The following RYR3 variants were observed in gnomAD, a reference collection of about 807,000 sequenced individuals.
RYR3 encodes brain ryanodine receptor-calcium release channel.
In RYR3, 207 loss-of-function variants were observed where a neutral mutation model predicts 584.3. The ratio of observed to expected loss-of-function variants is 0.35; its 90% CI spans 0.32 to 0.40. The LOEUF (loss-of-function observed/expected upper bound fraction) is 0.40. RYR3 is among the 10% of genes least tolerant of loss of function. The probability of loss-of-function intolerance (pLI) is 1.00; values close to 1 mark genes in which losing one functional copy is unlikely to be tolerated. For synonymous variants in RYR3, 2,416 were observed against 2,248.5 expected (o/e 1.07, Z -2.11); for missense variants, 5,616 against 6,089.2 (o/e 0.92, Z 2.59).
chr15:33,441,084 C>T (rs1442633143), intron 1 of RYR3, among the ~76,000 whole-genome samples: 1 of 152,128 alleles, frequency 6.6e-6, no homozygotes, highest in African/African-American at 2.4e-5. Context: ...CACTTTGTGC[C>T]CAGCCAGCCA....
intron 65 of RYR3, 81 bp from the exon 66 acceptor site, chr15:33,785,581 A>G (rs1596574148): frequency 1.7e-6 from 2 of 1,164,044 alleles, no homozygotes; most frequent in Non-Finnish European, 2.4e-6. Context: ...TAAAGACCAA[A>G]GGAAAGGAGG....
chr15:33,601,898 CT>C (rs964885374), intron 17 of RYR3, among the ~76,000 whole-genome samples: 1 of 152,170 alleles, frequency 6.6e-6, no homozygotes, highest in African/African-American at 2.4e-5. Flanking sequence ...TATATACCAA[CT>C]TTTTTTCTGT....
chr15:33,555,465 C>T (rs1204849946), intron 10 of RYR3, among the ~76,000 whole-genome samples: 1 of 152,160 alleles, frequency 6.6e-6, no homozygotes, highest in Non-Finnish European at 1.5e-5. Context: ...GATTTTTAAA[C>T]TTTAAGTTGA....
At chr15:33,844,321 G>T (rs892803177) in intron 92 of RYR3, among the ~76,000 whole-genome samples, 2 of 152,202 alleles carry the variant, frequency 1.3e-5, no homozygotes, top group Non-Finnish European at 2.9e-5. Flanking sequence ...ACTTCAGACA[G>T]CCATCCAAGA....
intron 1 of RYR3, among the ~76,000 whole-genome samples, chr15:33,356,962 A>G (rs1974067043): frequency 6.6e-6 from 1 of 152,140 alleles, no homozygotes; most frequent in Admixed American, 6.5e-5. Context: ...GAAAGGAGTG[A>G]TTCCTTATGG....
At position 33,827,185 on chromosome 15, in the gene RYR3, A is replaced by C; in HGVS notation, c.11246-14A>C. The C allele has an allele frequency of 1.9e-6, 3 of 1,551,104 alleles. No homozygotes were observed. The highest frequency in any genetic ancestry group is 2.6e-6 in the Non-Finnish European group (3 of 1,146,416). On this transcript the variant is annotated splice_polypyrimidine_tract_variant and intron_variant, in intron 84 of 103. Transcript: ENST00000634891. Reference sequence around the variant, plus strand: ...TGGCAGGGACAAGCTCTGACCCAGCACTGGTGCTCTCAGACTTTCAGAACT... The same window carrying C: ...TGGCAGGGACAAGCTCTGACCCAGCCCTGGTGCTCTCAGACTTTCAGAACT...
At chr15:33,751,378 A>G (rs1375048917) in intron 57 of RYR3, among the ~76,000 whole-genome samples, 2 of 152,182 alleles carry the variant, frequency 1.3e-5, no homozygotes, top group African/African-American at 4.8e-5. Context: ...CTATATCTCC[A>G]CATCCTCTCC....
intron 72 of RYR3, among the ~76,000 whole-genome samples, chr15:33,812,274 AT>A (rs900859952): frequency 3.3e-5 from 5 of 151,248 alleles, no homozygotes; most frequent in Non-Finnish European, 4.4e-5. Context: ...ACAAGCTCAT[AT>A]TTTTTTTTGA....
At chr15:33,855,043 C>G (rs1213791851) in intron 98 of RYR3, 131 bp downstream of exon 98, 1 of 935,388 alleles carries the variant, frequency 1.1e-6, no homozygotes, top group East Asian at 3.2e-5. Flanking sequence ...TGGCCAAACA[C>G]TTCAACTAAT....
chr15:33,771,138 C>T (rs916575041), intron 62 of RYR3, among the ~76,000 whole-genome samples: 11 of 152,218 alleles, frequency 7.2e-5, no homozygotes, highest in African/African-American at 2.7e-4. Context: ...ACGTTTCCCG[C>T]AAACTAACAG....
intron 10 of RYR3, among the ~76,000 whole-genome samples, chr15:33,556,426 CCAAA>C (rs1034425796): frequency 6.6e-6 from 1 of 152,122 alleles, no homozygotes; most frequent in African/African-American, 2.4e-5. Context: ...AAGAGGCATT[CCAAA>C]CAATGATAAT....
At chr15:33,863,862 G>C (rs765145571) in intron 102 of RYR3, among the ~76,000 whole-genome samples, 5 of 152,118 alleles carry the variant, frequency 3.3e-5, no homozygotes, top group South Asian at 2.1e-4. Flanking sequence ...CAATAAAATG[G>C]TGGCCAAAAT....
intron 3 of RYR3, among the ~76,000 whole-genome samples, chr15:33,515,842 A>G (rs1008833892): frequency 6.6e-6 from 1 of 152,104 alleles, no homozygotes; most frequent in African/African-American, 2.4e-5. Flanking sequence ...TTATTTTCTA[A>G]ATATATTAAC....
intron 5 of RYR3, 197 bp from the exon 6 acceptor site, chr15:33,539,153 A>G: frequency 2.2e-6 from 1 of 449,324 alleles, no homozygotes; most frequent in Non-Finnish European, 4.0e-6. Context: ...TCTCTAGGGA[A>G]AATGAAAATG....
rs541410893 is a variant in RYR3 at position 33,730,655 on chromosome 15, CTG to C, written c.7204-816_7204-815del. On this transcript the variant is annotated intron_variant, in intron 47 of 103. Coordinates refer to ENST00000634891, the MANE Select transcript of RYR3 (RefSeq NM_001036.6). ...CACAGGAAATGGCAATATTTCATCT[CTG>C]TGGATCTCAAGGTTTCTTTCGAAAG... Among the ~76,000 whole-genome samples the C allele has an allele frequency of 1.3e-3, 201 of 152,320 alleles. 1 individual carries two copies. Among genetic ancestry groups the C allele is most frequent in the African/African-American group, 4.0e-3 (166 of 41,582 alleles).
chr15:33,714,455 T>C (rs1208622263), intron 43 of RYR3, among the ~76,000 whole-genome samples: 1 of 152,224 alleles, frequency 6.6e-6, no homozygotes, highest in Non-Finnish European at 1.5e-5. Context: ...TGGGTTGTGT[T>C]TAACTCTGGA....
In RYR3 at chr15:33,384,567, C is replaced by T. The variant is rs186296212; in HGVS notation, c.51+73471C>T. Among the ~76,000 whole-genome samples, 492 of 138,554 alleles carry T rather than the reference C, an allele frequency of 3.6e-3. 5 individuals carry two copies. Among genetic ancestry groups the T allele is most frequent in the African/African-American group, 0.012 (454 of 37,272 alleles). 90.9% of individuals were successfully genotyped at this position (138,554 alleles called of 152,430 possible). ...TATTATTTAAATTAATATATACTTA[C>T]GGTGTACAACCTTATATATACATAT... On this transcript the variant is annotated intron_variant, in intron 1 of 103. Transcript: ENST00000634891.
intron 3 of RYR3, among the ~76,000 whole-genome samples, chr15:33,506,331 A>G (rs1372199504): frequency 6.6e-6 from 1 of 152,202 alleles, no homozygotes; most frequent in Non-Finnish European, 1.5e-5. Context: ...ACATGTAGAA[A>G]CCAATACATT....
chr15:33,726,970 AC>A (rs1280684591), intron 46 of RYR3, among the ~76,000 whole-genome samples: 2 of 152,264 alleles, frequency 1.3e-5, no homozygotes, highest in Non-Finnish European at 2.9e-5. Context: ...GGACAATTGT[AC>A]CCTGTGTCCC....
Sources: allele counts gnomAD v4.1 joint callset (sites outside exome capture counted in the v4.1 genomes callset), GRCh38; gene constraint gnomAD v4.1.1; transcripts MANE v1.5; gene names NCBI Gene and HGNC (gene_info 2026-07-23, HGNC 2026-07-21).